Variants in RGS8 observed in about 807,000 individuals in gnomAD.
RGS8 encodes regulator of G-protein signaling 8.
In RGS8, 8 loss-of-function variants were observed where a neutral mutation model predicts 21.7. The observed-to-expected ratio is 0.37, with a 90% CI of 0.22 to 0.66. RGS8 has a LOEUF of 0.66. Ranked by LOEUF, RGS8 falls within the 30% of genes least tolerant of loss-of-function variation. The pLI is 0.59. For synonymous variants in RGS8, 80 were observed against 83.6 expected (o/e 0.96, Z 0.24); for missense variants, 157 against 217.9 (o/e 0.72, Z 1.76).
chr1:182,654,214 G>T (rs10489964), intron 5 of RGS8, among the ~76,000 whole-genome samples: 102,538 of 152,076 alleles, frequency 0.67, 35,325 homozygotes, highest in Non-Finnish European at 0.75. Flanking sequence ...CCAAAGCAAG[G>T]TCTCTCCAGA....
At chr1:182,679,542 G>T (rs940440383) in intron 1 of RGS8, among the ~76,000 whole-genome samples, 2 of 151,778 alleles carry the variant, frequency 1.3e-5, no homozygotes, top group Non-Finnish European at 2.9e-5. Flanking sequence ...CTCTCACCTT[G>T]CATGCTACTT....
At chr1:182,673,051 C>T (rs142941970), upstream of RGS8, 2,815 of 593,024 alleles carry the variant, frequency 4.7e-3, 10 homozygotes, top group Non-Finnish European at 6.7e-3. Context: ...GTTTGCAAAC[C>T]GCTGCCCTGG....
the RGS8 span, chr1:182,734,775 T>C: frequency 6.6e-6 from 1 of 152,218 alleles, no homozygotes; most frequent in African/African-American, 2.4e-5. Context: ...TCAGAGCCTA[T>C]AATCACTTAG....
chr1:182,643,323 G>GCCCCCCCCCCCC (rs567593931), downstream of RGS8: 53 of 31,496 alleles, frequency 1.7e-3, no homozygotes, highest in African/African-American at 2.2e-3. Flanking sequence ...CCCTCCCCCA[G>GCCCCCCCCCCCC]CCCCCCCGCC....
chr1:182,651,883 G>A (rs1216076735), intron 5 of RGS8, among the ~76,000 whole-genome samples: 1 of 152,214 alleles, frequency 6.6e-6, no homozygotes, highest in African/African-American at 2.4e-5. Flanking sequence ...CAGTGCCCTT[G>A]AGAACTAAGT....
At position 182,684,284 on chromosome 1, in the gene RGS8, C is replaced by T. The variant is rs1464377593; in HGVS notation, n.221+72G>A. 6.6e-6 allele frequency: 1 copy of T among 152,366 alleles called. No homozygotes were observed. Among genetic ancestry groups the T allele is most frequent in the Non-Finnish European group, 1.5e-5 (1 of 68,150 alleles). The allele number at this position is 152,366 out of a possible 1,614,324, so 9.4% of individuals were successfully genotyped here. On this transcript the variant is annotated intron_variant and non_coding_transcript_variant, in intron 1 of 4. Coordinates refer to the RGS8 transcript ENST00000515211. This position sits in a 1 kb window ranked among gnomAD's most constrained non-coding sequence, Gnocchi z 4.2. ...CAGTGCCCTGCACCTCTCAGCAAGA[C>T]TTATAGCCTGGGCTGACCTGCCCAG... is the stretch of plus-strand genomic sequence containing the variant.
intron 5 of RGS8, among the ~76,000 whole-genome samples, chr1:182,660,131 T>C (rs1330392658): frequency 1.3e-5 from 2 of 152,358 alleles, no homozygotes; most frequent in Admixed American, 6.5e-5. Flanking sequence ...TTATTTTTTA[T>C]TGAGTTCCTC....
At chr1:182,653,604 G>T (rs1400300465) in intron 5 of RGS8, among the ~76,000 whole-genome samples, 1 of 152,128 alleles carries the variant, frequency 6.6e-6, no homozygotes, top group Non-Finnish European at 1.5e-5. Context: ...TGAGGCAGGA[G>T]AATTGCTTGA....
chr1:182,671,703 G>A, exon 2 of RGS8: 1 of 1,614,164 alleles, frequency 6.2e-7, no homozygotes, highest in South Asian at 1.1e-5. Context: ...CCAACTGGAT[G>A]GTCAGAGAGG....
chr1:182,707,617 C>T, the RGS8 span, among the ~76,000 whole-genome samples: 83 of 152,306 alleles, frequency 5.4e-4, 2 homozygotes, highest in Admixed American at 4.5e-3. Context: ...GGCAGAGGCA[C>T]CTAAGGCAAC....
At chr1:182,704,922 G>A in the RGS8 span, among the ~76,000 whole-genome samples, 1 of 152,202 alleles carries the variant, frequency 6.6e-6, no homozygotes, top group East Asian at 1.9e-4. Flanking sequence ...AGCCAGGTGT[G>A]AACATGGGTC....
chr1:182,746,256 A>T, the RGS8 span, among the ~76,000 whole-genome samples: 1 of 152,246 alleles, frequency 6.6e-6, no homozygotes, highest in Non-Finnish European at 1.5e-5. Context: ...GCATTTAACT[A>T]AGAACTTTTC....
chr1:182,698,562 T>A, the RGS8 span, among the ~76,000 whole-genome samples: 1 of 152,210 alleles, frequency 6.6e-6, no homozygotes, highest in Non-Finnish European at 1.5e-5. Context: ...GAAAGCCAAA[T>A]ATAATTCTTT....
the RGS8 span, among the ~76,000 whole-genome samples, chr1:182,730,703 T>A: frequency 2.0e-5 from 3 of 147,752 alleles, no homozygotes; most frequent in Non-Finnish European, 3.0e-5. Context: ...AGAGCGAGAC[T>A]GCATCTCAAA....
At chr1:182,685,750 G>T (rs1182300981), upstream of RGS8, among the ~76,000 whole-genome samples, 1 of 152,140 alleles carries the variant, frequency 6.6e-6, no homozygotes, top group Non-Finnish European at 1.5e-5. Context: ...CCCACGAGAT[G>T]ACCCCTCAGG....
chr1:182,668,213 C>A (rs1328629115), intron 3 of RGS8, among the ~76,000 whole-genome samples: 1 of 152,190 alleles, frequency 6.6e-6, no homozygotes, highest in East Asian at 1.9e-4. Context: ...TGACCCCTCA[C>A]CTTTAACTAT....
chr1:182,752,285 C>G, the RGS8 span, among the ~76,000 whole-genome samples: 2 of 152,216 alleles, frequency 1.3e-5, no homozygotes, highest in Non-Finnish European at 2.9e-5. Context: ...GTCGGCACAT[C>G]AACCGGTCCT....
the RGS8 span, among the ~76,000 whole-genome samples, chr1:182,709,621 A>G: frequency 6.6e-6 from 1 of 152,208 alleles, no homozygotes; most frequent in Non-Finnish European, 1.5e-5. Flanking sequence ...ACTGGGTGAT[A>G]CTATATCTCA....
At chr1:182,721,057 A>ACACATATATG in the RGS8 span, among the ~76,000 whole-genome samples, 14 of 103,790 alleles carry the variant, frequency 1.3e-4, 6 homozygotes, top group Non-Finnish European at 2.3e-4. Context: ...ATACATATAT[A>ACACATATATG]TGTGTGTATA....
Sources: allele counts gnomAD v4.1 joint callset (sites outside exome capture counted in the v4.1 genomes callset), GRCh38; gene constraint gnomAD v4.1.1; non-coding constraint Gnocchi (gnomAD v3.1); transcripts MANE v1.5; gene names NCBI Gene and HGNC (gene_info 2026-07-23, HGNC 2026-07-21).